PIGN: variants seen among roughly 807,000 people sequenced by gnomAD.
The protein encoded by PIGN is GPI ethanolamine phosphate transferase 1.
PIGN carries 117 observed loss-of-function variants against 125.4 expected under a neutral mutation model. The ratio of observed to expected loss-of-function variants is 0.93; its 90% CI spans 0.80 to 1.09. The LOEUF (loss-of-function observed/expected upper bound fraction) is 1.09, where lower values mean the gene tolerates loss of function less well. PIGN is among the 50% of genes least tolerant of loss of function. PIGN has a pLI of 0.00. For missense variants in PIGN, 1,075 were observed against 1,094.9 expected (o/e 0.98, Z 0.26); for synonymous variants, 392 against 377.8 (o/e 1.04, Z -0.44).
intron 1 of PIGN, among the ~76,000 whole-genome samples, chr18:62,179,376 C>T (rs540203778): frequency 6.6e-6 from 1 of 152,256 alleles, no homozygotes. Context: ...CCTGAGATGA[C>T]GAGGCACCTA....
chr18:62,069,686 G>A (rs1261004188), intron 30 of PIGN: 1 of 152,228 alleles, frequency 6.6e-6, no homozygotes, highest in Non-Finnish European at 1.5e-5. Flanking sequence ...GCCAGGGGCT[G>A]ATGAGCGGGA....
intron 1 of PIGN, chr18:62,184,457 G>A (rs943909524): frequency 2.2e-4 from 33 of 152,110 alleles, no homozygotes; most frequent in Admixed American, 7.9e-4. Flanking sequence ...TCCAGTGTGT[G>A]TTACTTATAC....
intron 30 of PIGN, among the ~76,000 whole-genome samples, chr18:62,068,321 ACCT>A (rs1349114569): frequency 1.3e-5 from 2 of 150,718 alleles, no homozygotes; most frequent in Non-Finnish European, 3.0e-5. Context: ...AGGTCCCTGG[ACCT>A]CCTTTCCCTT....
At chr18:62,134,827 T>C (rs1244320348) in intron 14 of PIGN, among the ~76,000 whole-genome samples, 1 of 152,238 alleles carries the variant, frequency 6.6e-6, no homozygotes, top group East Asian at 1.9e-4. Context: ...TGCTTTATAT[T>C]TGAAGCATGC....
intron 16 of PIGN, among the ~76,000 whole-genome samples, chr18:62,110,615 CA>C (rs1460860540): frequency 7.9e-5 from 12 of 151,972 alleles, no homozygotes; most frequent in Non-Finnish European, 5.9e-5. Flanking sequence ...CCTTTAAGAG[CA>C]AAACTAAGGG....
At chr18:62,022,796 T>C (rs1298142328) in intron 23 of PIGN, among the ~76,000 whole-genome samples, 1 of 152,242 alleles carries the variant, frequency 6.6e-6, no homozygotes, top group Non-Finnish European at 1.5e-5. Flanking sequence ...TACTTGTTAG[T>C]ACAGTCATCC....
At chr18:62,085,902 A>G (rs4941109) in intron 25 of PIGN, among the ~76,000 whole-genome samples, 88,231 of 152,096 alleles carry the variant, frequency 0.58, 26,403 homozygotes, top group East Asian at 0.78. Flanking sequence ...CTTGATAAGC[A>G]TTAGCTCTTT....
chr18:62,026,915 C>T lies in PIGN; in HGVS notation c.2143-9174G>A, dbSNP rs114426171. Among the ~76,000 whole-genome samples, 525 of 152,228 alleles carry T rather than the reference C, an allele frequency of 3.4e-3. 3 individuals are homozygous for T. Among genetic ancestry groups the T allele is most frequent in the African/African-American group, 0.012 (491 of 41,538 alleles). ...GGGACAAGCTTTTAAAGGAGGCTGA[C>T]GGGGGGCCAAGGCGCGGTGGCTCAC... On this transcript the variant is annotated intron_variant, in intron 23 of 24. Transcript: ENST00000639600.
chr18:62,026,844 T>C (rs2030125245), intron 23 of PIGN, among the ~76,000 whole-genome samples: 1 of 152,202 alleles, frequency 6.6e-6, no homozygotes, highest in Non-Finnish European at 1.5e-5. Context: ...CCATGACTAC[T>C]GCAAATGTGC....
At chr18:62,175,048 T>C (rs1180391324) in intron 1 of PIGN, among the ~76,000 whole-genome samples, 5 of 137,892 alleles carry the variant, frequency 3.6e-5, no homozygotes, top group African/African-American at 1.0e-4. Flanking sequence ...ATTATAAATA[T>C]ATATTTTTAT....
At chr18:62,079,037 C>T (rs2033319952) in intron 28 of PIGN, among the ~76,000 whole-genome samples, 1 of 152,194 alleles carries the variant, frequency 6.6e-6, no homozygotes, top group Non-Finnish European at 1.5e-5. Context: ...ACCTGTTCAA[C>T]TTTATTTCCT....
At chr18:62,084,491 A>G in intron 27 of PIGN, 40 bp downstream of exon 27, 1 of 1,248,336 alleles carries the variant, frequency 8.0e-7, no homozygotes, top group South Asian at 1.4e-5. Flanking sequence ...ATCTTAATCA[A>G]TCAATAGCTT....
intron 7 of PIGN, among the ~76,000 whole-genome samples, chr18:62,151,889 C>G (rs2036548907): frequency 6.6e-6 from 1 of 152,156 alleles, no homozygotes; most frequent in African/African-American, 2.4e-5. Flanking sequence ...GGCCTACTGT[C>G]AACGAAGAGT....
chr18:62,125,154 ACATGTTTGTACATATGTG>A (rs2035476768), intron 14 of PIGN, among the ~76,000 whole-genome samples: 1 of 116,364 alleles, frequency 8.6e-6, no homozygotes, highest in Non-Finnish European at 2.0e-5. Context: ...ATGTGTATAT[ACATGTTTGTACATATGTG>A]TATATAAATA....
chr18:62,183,190 A>G (rs1391167762), intron 1 of PIGN, among the ~76,000 whole-genome samples: 1 of 151,728 alleles, frequency 6.6e-6, no homozygotes, highest in East Asian at 1.9e-4. Flanking sequence ...TAAACTGAAG[A>G]ACATCATGTA....
intron 30 of PIGN, among the ~76,000 whole-genome samples, chr18:62,065,994 T>C (rs2032496831): frequency 6.7e-6 from 1 of 148,278 alleles, no homozygotes; most frequent in African/African-American, 2.4e-5. Context: ...TTTTGCCCCA[T>C]TCTCTGTAGC....
chr18:62,081,866 A>G (rs553534036), intron 28 of PIGN, among the ~76,000 whole-genome samples: 1 of 152,280 alleles, frequency 6.6e-6, no homozygotes, highest in East Asian at 1.9e-4. Flanking sequence ...CAGTGGAAGA[A>G]AAACTTTTTT....
At chr18:62,185,278 T>G (rs1327311659) in intron 1 of PIGN, among the ~76,000 whole-genome samples, 2 of 152,208 alleles carry the variant, frequency 1.3e-5, no homozygotes, top group Non-Finnish European at 2.9e-5. Context: ...CAGGATACAG[T>G]ATTTGCCATT....
At chr18:62,060,538 T>C (rs2145394410) in intron 30 of PIGN, among the ~76,000 whole-genome samples, 1 of 152,276 alleles carries the variant, frequency 6.6e-6, no homozygotes, top group East Asian at 1.9e-4. Flanking sequence ...ATGACACTTA[T>C]TAATTACATT....
Sources: gnomAD v4.1 joint callset for allele counts (sites outside exome capture counted in the v4.1 genomes callset) on GRCh38, gnomAD v4.1.1 for gene constraint, MANE v1.5 for transcripts, NCBI Gene and HGNC (gene_info 2026-07-23, HGNC 2026-07-21) for gene names.